FSIP1: variants seen among roughly 807,000 people sequenced by gnomAD.
The protein encoded by FSIP1 is fibrous sheath interacting protein 1, also known as fibrous sheath-interacting protein 1.
A neutral mutation model predicts 60.9 loss-of-function variants in FSIP1; 65 were observed. The observed-to-expected ratio is 1.07, with a 90% confidence interval of 0.87 to 1.31. The LOEUF (loss-of-function observed/expected upper bound fraction) is 1.31, where lower values mean the gene tolerates loss of function less well. Ranked by LOEUF, FSIP1 falls within the 40% of genes most tolerant of loss-of-function variation. FSIP1 has a pLI of 0.00. For missense variants in FSIP1, 675 were observed against 665.5 expected (o/e 1.01, Z -0.16); for synonymous variants, 209 against 221.2 (o/e 0.94, Z 0.49).
chr15:39,648,163 T>A (rs1892702297), intron 10 of FSIP1, among the ~76,000 whole-genome samples: 4 of 56,434 alleles, frequency 7.1e-5, no homozygotes, highest in African/African-American at 1.8e-4. Flanking sequence ...AAACTTAAAG[T>A]ATAATAAAAA....
chr15:39,695,986 G>C (rs148415899), intron 10 of FSIP1, among the ~76,000 whole-genome samples: 1 of 152,340 alleles, frequency 6.6e-6, no homozygotes, highest in East Asian at 1.9e-4. Context: ...AACATAATTA[G>C]ATGGTGATTT....
At chr15:39,770,713 G>T in intron 2 of FSIP1, 103 bp from the exon 3 acceptor site, 1 of 631,442 alleles carries the variant, frequency 1.6e-6, no homozygotes, top group Non-Finnish European at 2.6e-6. Context: ...GATGGAGAAT[G>T]TACATAAATG....
intron 8 of FSIP1, among the ~76,000 whole-genome samples, chr15:39,735,492 T>A (rs1246788764): frequency 1.3e-5 from 2 of 152,204 alleles, no homozygotes; most frequent in African/African-American, 4.8e-5. Flanking sequence ...CACTTAACCA[T>A]GAGTGGAGCT....
At chr15:39,604,788 A>G (rs148603341) in intron 11 of FSIP1, among the ~76,000 whole-genome samples, 2 of 152,362 alleles carry the variant, frequency 1.3e-5, no homozygotes, top group Non-Finnish European at 1.5e-5. Flanking sequence ...TGAGACAAAC[A>G]GAAAACTATT....
At chr15:39,733,283 G>A (rs149838691) in intron 8 of FSIP1, among the ~76,000 whole-genome samples, 3 of 152,216 alleles carry the variant, frequency 2.0e-5, no homozygotes, top group African/African-American at 7.2e-5. Flanking sequence ...CTCCCGCCTT[G>A]GCCTCCCAAA....
intron 9 of FSIP1, among the ~76,000 whole-genome samples, chr15:39,721,986 T>C (rs957105491): frequency 6.6e-6 from 1 of 152,164 alleles, no homozygotes; most frequent in African/African-American, 2.4e-5. Flanking sequence ...CCCCAGGCCA[T>C]GGACGGTTCT....
intron 9 of FSIP1, among the ~76,000 whole-genome samples, chr15:39,717,287 G>A (rs552032190): frequency 6.6e-5 from 10 of 152,252 alleles, no homozygotes; most frequent in African/African-American, 2.2e-4. Flanking sequence ...ATAAACTATG[G>A]TGAGCACCTG....
chr15:39,605,905 G>T (rs114191182), intron 11 of FSIP1, among the ~76,000 whole-genome samples: 28 of 152,258 alleles, frequency 1.8e-4, no homozygotes, highest in African/African-American at 6.7e-4. Context: ...GTGTAGAGGA[G>T]AGAGAGAGAA....
rs190510875 is a variant in FSIP1 at position 39,712,932 on chromosome 15, T to C, written c.1188+512A>G. On this transcript the variant is annotated intron_variant, in intron 10 of 11. Transcript: ENST00000350221. Reference sequence around the variant, plus strand: ...GAATTTAAGCTATAAGTTCAAAACATAGGGAAGATTTTAGGGAGAACTACC... The same window carrying C: ...GAATTTAAGCTATAAGTTCAAAACACAGGGAAGATTTTAGGGAGAACTACC... Among the ~76,000 whole-genome samples, 7 of 152,208 alleles carry C rather than the reference T, an allele frequency of 4.6e-5. No individual in the cohort carries two copies. In the East Asian group the frequency reaches 1.2e-3, roughly 25 times the overall value.
At chr15:39,703,261 C>A (rs1026116496) in intron 10 of FSIP1, among the ~76,000 whole-genome samples, 1 of 152,078 alleles carries the variant, frequency 6.6e-6, no homozygotes, top group East Asian at 1.9e-4. Context: ...GGATTACAGG[C>A]GTGAGCCACC....
At chr15:39,605,388 C>A (rs922084362) in intron 11 of FSIP1, among the ~76,000 whole-genome samples, 3 of 152,190 alleles carry the variant, frequency 2.0e-5, no homozygotes, top group Non-Finnish European at 2.9e-5. Context: ...AGGAATAATG[C>A]TCTGCAGTTT....
intron 10 of FSIP1, among the ~76,000 whole-genome samples, chr15:39,630,839 C>G (rs557447237): frequency 6.6e-6 from 1 of 152,290 alleles, no homozygotes; most frequent in East Asian, 1.9e-4. Flanking sequence ...CCATAACATG[C>G]CCCCTCCACA....
intron 10 of FSIP1, among the ~76,000 whole-genome samples, chr15:39,695,681 G>A (rs1040437755): frequency 1.1e-4 from 17 of 152,092 alleles, no homozygotes; most frequent in African/African-American, 3.6e-4. Context: ...CACTGACTAC[G>A]GGACATTGTT....
chr15:39,731,299 A>T (rs1595672158), intron 8 of FSIP1, among the ~76,000 whole-genome samples: 1 of 151,268 alleles, frequency 6.6e-6, no homozygotes, highest in African/African-American at 2.4e-5. Context: ...TGGACAGCTT[A>T]AAAAAAAAGA....
intron 5 of FSIP1, among the ~76,000 whole-genome samples, chr15:39,747,064 CTCTTTCCTCCCTCTCTCCCTTTCTTCCTT>C (rs1897023484): frequency 7.3e-6 from 1 of 137,710 alleles, no homozygotes; most frequent in African/African-American, 2.5e-5. Flanking sequence ...TTCTTCCTTC[CTCTTTCCTCCCTCTCTCCCTTTCTTCCTT>C]TCTTTTAATG....
chr15:39,737,415 G>T (rs960634494), intron 8 of FSIP1, among the ~76,000 whole-genome samples: 1 of 152,078 alleles, frequency 6.6e-6, no homozygotes, highest in African/African-American at 2.4e-5. Flanking sequence ...AATTCTTTAG[G>T]ATTACTGAAG....
chr15:39,602,278 C>T (rs1366880334), intron 11 of FSIP1: 7 of 454,618 alleles, frequency 1.5e-5, no homozygotes, highest in Non-Finnish European at 2.7e-5. Context: ...GACGTGGCCA[C>T]AAAGCCAGGA....
chr15:39,725,765 A>C lies in FSIP1; in HGVS notation c.1050+824T>G, dbSNP rs528902000. Among the ~76,000 whole-genome samples, 8 of 151,698 alleles carry C rather than the reference A, an allele frequency of 5.3e-5. No homozygotes were observed. In the South Asian group the frequency reaches 1.7e-3, roughly 32 times the overall value. On this transcript the variant is annotated intron_variant, in intron 9 of 11. Coordinates refer to ENST00000350221, the MANE Select transcript of FSIP1 (RefSeq NM_152597.5). Reference sequence around the variant, plus strand: ...GTTGAGGGAGAAATTTAATTTTCTGATATGCCATACCTTCTACCAGATTTT... The same window carrying C: ...GTTGAGGGAGAAATTTAATTTTCTGCTATGCCATACCTTCTACCAGATTTT...
chr15:39,704,607 T>C (rs1895191140), intron 10 of FSIP1, among the ~76,000 whole-genome samples: 1 of 152,204 alleles, frequency 6.6e-6, no homozygotes, highest in South Asian at 2.1e-4. Flanking sequence ...AAAAATCATT[T>C]AGCTGCTCAA....
Sources: allele counts gnomAD v4.1 joint callset (sites outside exome capture counted in the v4.1 genomes callset), GRCh38; gene constraint gnomAD v4.1.1; transcripts MANE v1.5; gene names NCBI Gene and HGNC (gene_info 2026-07-23, HGNC 2026-07-21).